DAZAP1: variants seen among roughly 807,000 people sequenced by gnomAD.
DAZAP1 encodes DAZ associated protein 1.
DAZAP1 carries 6 observed loss-of-function variants against 60.1 expected under a neutral mutation model. The observed-to-expected ratio is 0.10, with a 90% confidence interval of 0.05 to 0.20. DAZAP1 has a LOEUF of 0.20. Among genes scored for constraint, DAZAP1 ranks in the 10% least tolerant of loss-of-function variants. The pLI is 1.00. For synonymous variants in DAZAP1, 235 were observed against 215.9 expected (o/e 1.09, Z -0.78); for missense variants, 366 against 560.4 (o/e 0.65, Z 3.50).
rs144897046 is a variant in DAZAP1 at position 1,434,083 on chromosome 19, C to T, written c.1049-654C>T. On this transcript the variant is annotated intron_variant, in intron 11 of 11. Transcript: ENST00000233078. This position sits in a 1 kb window ranked among gnomAD's most constrained non-coding sequence, Gnocchi z 8.0. ...GAGGGGCTTCCTGCAAGGTGTGCAG[C>T]GGGGTGGGGAGCGGCGTGAGCAGCT... The T allele has an allele frequency of 1.5e-5, 8 of 539,684 alleles. No individual in the cohort carries two copies. The highest frequency in any genetic ancestry group is 3.2e-5 in the Admixed American group (1 of 30,908). The allele number at this position is 539,684 out of a possible 1,614,324, so 33.4% of individuals were successfully genotyped here.
chr19:1,420,860 TAATTCGG>T (rs1177330680), intron 4 of DAZAP1, among the ~76,000 whole-genome samples: 2 of 152,264 alleles, frequency 1.3e-5, no homozygotes, highest in Non-Finnish European at 2.9e-5. Context: ...GCAGTGGTTG[TAATTCGG>T]AATAGCTGAG....
intron 2 of DAZAP1, among the ~76,000 whole-genome samples, 155 bp downstream of exon 2, chr19:1,417,695 A>T (rs999993285): frequency 6.6e-6 from 1 of 152,058 alleles, no homozygotes. Context: ...GTAAGTGTGT[A>T]TTTGCTCTGA....
chr19:1,414,633 G>C (rs1265647591), intron 1 of DAZAP1, among the ~76,000 whole-genome samples: 1 of 151,900 alleles, frequency 6.6e-6, no homozygotes, highest in African/African-American at 2.4e-5. Flanking sequence ...CTACTCGGGA[G>C]GCTGAGGCAG....
intron 1 of DAZAP1, among the ~76,000 whole-genome samples, chr19:1,414,036 G>C (rs1340869526): frequency 2.8e-5 from 3 of 107,740 alleles, no homozygotes; most frequent in Non-Finnish European, 5.6e-5. Context: ...TGTGTGTTTA[G>C]ATGGACCCTC....
rs1053063987 is a variant in DAZAP1 at position 1,425,404 on chromosome 19, G to A, written c.464-474G>A. On this transcript the variant is annotated intron_variant, in intron 6 of 11. Coordinates refer to ENST00000233078, the MANE Select transcript of DAZAP1 (RefSeq NM_018959.4). The surrounding 1 kb of genome is among the most constrained non-coding windows in gnomAD (Gnocchi z 5.4). ...GGTGCACACCCCTGACTAAGATGGC[G>A]CATTCCACGCGGGCCCCCGGCCTGC... Among the ~76,000 whole-genome samples, 3 of 152,198 alleles carry A rather than the reference G, an allele frequency of 2.0e-5. No homozygotes were observed. Among genetic ancestry groups the A allele is most frequent in the East Asian group, 1.9e-4 (1 of 5,198 alleles).
At chr19:1,414,787 TTTTTA>T (rs1203284788) in intron 1 of DAZAP1, among the ~76,000 whole-genome samples, 1 of 152,040 alleles carries the variant, frequency 6.6e-6, no homozygotes, top group Non-Finnish European at 1.5e-5. Context: ...ATTTGAGTAT[TTTTTA>T]TTTTTTTAAT....
chr19:1,427,886 C>G (rs2144880946), intron 7 of DAZAP1: 1 of 152,318 alleles, frequency 6.6e-6, no homozygotes, highest in South Asian at 2.1e-4. Context: ...AAGGCTGACT[C>G]CAGGTGGATC....
Position 1,433,582 on chromosome 19 carries a change from C to T in DAZAP1, c.1048+892C>T, listed in dbSNP as rs1231879309. On this transcript the variant is annotated intron_variant, in intron 11 of 11. Coordinates refer to ENST00000233078, the MANE Select transcript of DAZAP1 (RefSeq NM_018959.4). This position sits in a 1 kb window ranked among gnomAD's most constrained non-coding sequence, Gnocchi z 6.1. The stretch of plus-strand genomic sequence containing the variant: ...ACGCCCAGGCCTTGGGCCGAGGTTG[C>T]CGCATGTGTGGGTTCTTGACCCACT... 2 of 618,312 alleles carry T rather than the reference C, an allele frequency of 3.2e-6. No homozygotes were observed. Among genetic ancestry groups the T allele is most frequent in the East Asian group, 5.6e-5 (2 of 35,844 alleles). The allele number at this position is 618,312 out of a possible 1,614,324, so 38.3% of individuals were successfully genotyped here. A position where few individuals can be genotyped will look rare whatever the true frequency, so the allele number is the denominator to read the frequency against.
Position 1,425,774 on chromosome 19 carries a change from C to G in DAZAP1, c.464-104C>G. On this transcript the variant is annotated intron_variant, in intron 6 of 11. Coordinates refer to ENST00000233078, the MANE Select transcript of DAZAP1 (RefSeq NM_018959.4). This position sits in a 1 kb window ranked among gnomAD's most constrained non-coding sequence, Gnocchi z 5.4. ...CCGCAGCGCCCCACACACAGCTTAG[C>G]TGAAACCCAAGGTCGATCCCTCGGC... 1 of 855,618 alleles carries G rather than the reference C, an allele frequency of 1.2e-6. No homozygotes were observed. Among genetic ancestry groups the G allele is most frequent in the South Asian group, 1.4e-5 (1 of 71,734 alleles). 53.0% of individuals were successfully genotyped at this position (855,618 alleles called of 1,614,324 possible). A position where few individuals can be genotyped will look rare whatever the true frequency, so the allele number is the denominator to read the frequency against.
At chr19:1,430,156 T>C (rs1239324216) in intron 9 of DAZAP1, 66 bp from the exon 10 acceptor site, 1 of 1,538,100 alleles carries the variant, frequency 6.5e-7, no homozygotes, top group Non-Finnish European at 8.9e-7. Flanking sequence ...CAGGCCTGGG[T>C]CTAACTGTGG....
intron 1 of DAZAP1, among the ~76,000 whole-genome samples, chr19:1,415,420 C>T (rs1203197025): frequency 2.4e-5 from 3 of 122,614 alleles, no homozygotes; most frequent in Non-Finnish European, 3.2e-5. Context: ...TTGAGAACTG[C>T]TTGAACTTTA....
chr19:1,432,382 G>A lies in DAZAP1; in HGVS notation c.872-132G>A. 1 of 919,922 alleles carries A rather than the reference G, an allele frequency of 1.1e-6. No individual in the cohort carries two copies. Among genetic ancestry groups the A allele is most frequent in the Non-Finnish European group, 1.7e-6 (1 of 575,278 alleles). The allele number at this position is 919,922 out of a possible 1,614,324, so 57.0% of individuals were successfully genotyped here. ...TGGTCCATTCTGTGGATGTCCACAA[G>A]GCCTGGGCGTTCTGTGGGTTTGGGT... On this transcript the variant is annotated intron_variant, in intron 10 of 11. Transcript: ENST00000233078. This position sits in a 1 kb window ranked among gnomAD's most constrained non-coding sequence, Gnocchi z 4.9.
chr19:1,416,428 C>T lies in DAZAP1; in HGVS notation c.30-1072C>T, dbSNP rs2082987317. 6.6e-6 allele frequency: 1 copy of T among 152,210 alleles called. No individual in the cohort carries two copies. The highest frequency in any genetic ancestry group is 1.9e-4 in the East Asian group (1 of 5,196). The allele number at this position is 152,210 out of a possible 1,614,324, so 9.4% of individuals were successfully genotyped here. A position where few individuals can be genotyped will look rare whatever the true frequency, so the allele number is the denominator to read the frequency against. ...CAGCTGAGATTCAGCTCAGGGACTT[C>T]ATTTCTGAATGCGTGTCCTCTTTCC... On this transcript the variant is annotated intron_variant, in intron 1 of 11. Coordinates refer to ENST00000233078, the MANE Select transcript of DAZAP1 (RefSeq NM_018959.4). The surrounding 1 kb of genome is among the most constrained non-coding windows in gnomAD (Gnocchi z 4.3).
At chr19:1,430,782 G>A (rs1006665273) in intron 10 of DAZAP1, among the ~76,000 whole-genome samples, 1 of 151,220 alleles carries the variant, frequency 6.6e-6, no homozygotes, top group African/African-American at 2.4e-5. Flanking sequence ...GTGCAGTGGC[G>A]CAATCGCGGC....
intron 7 of DAZAP1, chr19:1,427,341 T>C (rs986010065): frequency 6.6e-6 from 1 of 152,298 alleles, no homozygotes; most frequent in Non-Finnish European, 1.5e-5. Context: ...CCATGACTGT[T>C]CTGCGCGAGC....
intron 2 of DAZAP1, 132 bp downstream of exon 2, chr19:1,417,672 G>T (rs890152695): frequency 3.5e-6 from 3 of 847,720 alleles, no homozygotes; most frequent in Non-Finnish European, 3.7e-6. Flanking sequence ...CTGATTTCTG[G>T]GCAGGGGACA....
chr19:1,408,002 CCCG>C (rs2082713916), intron 1 of DAZAP1, among the ~76,000 whole-genome samples, 200 bp downstream of exon 1: 1 of 150,092 alleles, frequency 6.7e-6, no homozygotes, highest in East Asian at 2.0e-4. Context: ...TCCTGGCGCC[CCCG>C]CCGCCGCTTC....
At chr19:1,408,903 G>A (rs553064343) in intron 1 of DAZAP1, among the ~76,000 whole-genome samples, 1 of 152,348 alleles carries the variant, frequency 6.6e-6, no homozygotes, top group Non-Finnish European at 1.5e-5. Context: ...GTGGTCTGGT[G>A]TAAATTTCTC....
intron 8 of DAZAP1, 60 bp from the exon 9 acceptor site, chr19:1,429,904 CCTT>C (rs1356320573): frequency 3.2e-6 from 5 of 1,549,628 alleles, no homozygotes; most frequent in Non-Finnish European, 2.6e-6. Flanking sequence ...CTCTGCGGCT[CCTT>C]CTCTGCGTCG....
Sources: gnomAD v4.1 joint callset for allele counts (sites outside exome capture counted in the v4.1 genomes callset) on GRCh38, gnomAD v4.1.1 for gene constraint, Gnocchi (gnomAD v3.1) non-coding constraint, MANE v1.5 for transcripts, NCBI Gene and HGNC (gene_info 2026-07-23, HGNC 2026-07-21) for gene names.